The following CEP112 variants were observed in gnomAD, a reference collection of about 807,000 sequenced individuals.
CEP112 encodes centrosomal protein 112.
In CEP112, 127 loss-of-function variants were observed where a neutral mutation model predicts 153.0. The ratio of observed to expected loss-of-function variants is 0.83; its 90% confidence interval spans 0.72 to 0.96. The LOEUF is 0.96. Ranked by LOEUF, CEP112 falls within the 40% of genes least tolerant of loss-of-function variation. The pLI, the probability that CEP112 is intolerant of heterozygous loss-of-function variation, is 0.00. For missense variants in CEP112, 1,089 were observed against 1,101.2 expected, an observed-to-expected ratio of 0.99 and a Z score of 0.16; for synonymous variants, 358 against 374.4, an observed-to-expected ratio of 0.96 and a Z score of 0.51.
chr17:66,047,988 T>C (rs531208968), intron 12 of CEP112, among the ~76,000 whole-genome samples: 1 of 152,326 alleles, frequency 6.6e-6, no homozygotes, highest in South Asian at 2.1e-4. Context: ...CTGCTGTATA[T>C]TTTAAATCAT....
In CEP112 at chr17:66,192,106, G is replaced by C. The variant is rs956772118; in HGVS notation, c.-118C>G. 1.3e-5 allele frequency: 2 copies of C among 153,004 alleles called. No individual in the cohort carries two copies. Among genetic ancestry groups the C allele is most frequent in the Admixed American group, 6.5e-5 (1 of 15,282 alleles). The allele number at this position is 153,004 out of a possible 1,614,324, so 9.5% of individuals were successfully genotyped here. A position where few individuals can be genotyped will look rare whatever the true frequency, so the allele number is the denominator to read the frequency against. On this transcript the variant is annotated 5_prime_UTR_variant, in exon 1 of 27. Coordinates refer to ENST00000535342, the MANE Select transcript of CEP112 (RefSeq NM_001199165.4). ...CCTTGCGGGCCGCTGGGTCGCCGCC[G>C]CCCAGCAGCCCGGGGGCGGGGACTT...
intron 4 of CEP112, among the ~76,000 whole-genome samples, chr17:66,172,387 C>T (rs1426442070): frequency 1.3e-5 from 2 of 152,132 alleles, no homozygotes; most frequent in Non-Finnish European, 2.9e-5. Context: ...GCTTTTTTCA[C>T]GTTGCAATCT....
rs541351085 is a variant in CEP112 at position 65,971,627 on chromosome 17, T to C, written c.1737-10029A>G. 1.3e-3 allele frequency among the ~76,000 whole-genome samples: 194 copies of C among 151,960 alleles called. 2 individuals carry two copies. Among genetic ancestry groups the C allele is most frequent in the African/African-American group, 4.4e-3 (184 of 41,532 alleles). On this transcript the variant is annotated intron_variant, in intron 17 of 26. Coordinates refer to ENST00000535342, the MANE Select transcript of CEP112 (RefSeq NM_001199165.4). ...GTGTGCATATTATATGTATATCCCA[T>C]GCATATTGCGTTATATTGCATGCAT...
At chr17:65,888,127 C>G (rs994119495) in intron 20 of CEP112, among the ~76,000 whole-genome samples, 5 of 152,146 alleles carry the variant, frequency 3.3e-5, no homozygotes, top group Non-Finnish European at 7.3e-5. Context: ...TCAGAACTCC[C>G]ATTTCTTGAG....
chr17:66,184,985 G>C (rs1332334044), intron 1 of CEP112, among the ~76,000 whole-genome samples: 1 of 152,074 alleles, frequency 6.6e-6, no homozygotes, highest in Admixed American at 6.6e-5. Flanking sequence ...TTCTCAAAAG[G>C]CTGCATACTA....
chr17:65,892,254 A>G (rs2059494633), intron 20 of CEP112, among the ~76,000 whole-genome samples: 1 of 152,186 alleles, frequency 6.6e-6, no homozygotes, highest in Non-Finnish European at 1.5e-5. Context: ...AATGAAGTTG[A>G]AAAAAGTTAA....
chr17:65,803,548 G>C (rs1282082743), intron 21 of CEP112, among the ~76,000 whole-genome samples: 1 of 152,160 alleles, frequency 6.6e-6, no homozygotes, highest in Non-Finnish European at 1.5e-5. Context: ...CATACATCTA[G>C]CAAGGAAGTC....
chr17:65,702,737 T>C (rs948953577), intron 23 of CEP112, among the ~76,000 whole-genome samples: 3 of 152,144 alleles, frequency 2.0e-5, no homozygotes, highest in Non-Finnish European at 4.4e-5. Flanking sequence ...CAGTTCCACA[T>C]GGCTGGGGAG....
intron 23 of CEP112, among the ~76,000 whole-genome samples, chr17:65,709,433 G>T (rs1024591383): frequency 6.6e-6 from 1 of 152,130 alleles, no homozygotes; most frequent in African/African-American, 2.4e-5. Context: ...TTACATGGAG[G>T]CAGAAAAGAG....
Position 66,029,878 on chromosome 17 carries a change from A to G in CEP112, c.1364T>C (p.Val455Ala). 1 of 1,613,260 alleles carries G rather than the reference A, an allele frequency of 6.2e-7. No homozygotes were observed. Among genetic ancestry groups the G allele is most frequent in the African/African-American group, 1.3e-5 (1 of 75,036 alleles). Residue 455 changes from valine to alanine, a missense_variant, in exon 13 of 27, where the codon GTA becomes GCA. By Grantham distance (64) the Val-to-Ala change is moderately conservative. Coordinates refer to ENST00000535342, the MANE Select transcript of CEP112 (RefSeq NM_001199165.4). The stretch of plus-strand genomic sequence containing the variant: ...TGATTTCAGACAATACCTTGCCTTT[A>G]CTTCTTGTAATTCACTACACGTTAT... Reference protein sequence around the residue: ...YQITCSELQEVKARRNTLHKE... With the variant: ...YQITCSELQEAKARRNTLHKE...
chr17:66,133,928 A>T (rs949246322), intron 4 of CEP112, among the ~76,000 whole-genome samples: 6 of 152,178 alleles, frequency 3.9e-5, no homozygotes, highest in Admixed American at 2.6e-4. Context: ...TTTTAAAGAG[A>T]GCTGTTTTTT....
At chr17:66,139,566 C>T (rs1425778761) in intron 4 of CEP112, among the ~76,000 whole-genome samples, 1 of 152,060 alleles carries the variant, frequency 6.6e-6, no homozygotes, top group East Asian at 1.9e-4. Context: ...AGTGATTGCA[C>T]CACTGTGCTC....
intron 21 of CEP112, among the ~76,000 whole-genome samples, chr17:65,843,282 GC>G (rs2057595072): frequency 6.6e-6 from 1 of 152,050 alleles, no homozygotes; most frequent in Non-Finnish European, 1.5e-5. Flanking sequence ...CCAGGCTATA[GC>G]TTATATATCC....
chr17:66,142,073 C>T (rs1187524198), intron 4 of CEP112, among the ~76,000 whole-genome samples: 1 of 152,150 alleles, frequency 6.6e-6, no homozygotes, highest in African/African-American at 2.4e-5. Context: ...AATAGTCATT[C>T]TAACAGGTGT....
chr17:65,949,163 T>G (rs2061737612), intron 18 of CEP112, among the ~76,000 whole-genome samples: 1 of 152,198 alleles, frequency 6.6e-6, no homozygotes, highest in African/African-American at 2.4e-5. Flanking sequence ...ATGTTTGACA[T>G]ATATATTTTA....
chr17:65,650,557 G>C (rs1410103381), intron 24 of CEP112, among the ~76,000 whole-genome samples: 2 of 151,876 alleles, frequency 1.3e-5, no homozygotes, highest in Admixed American at 1.3e-4. Context: ...CACCACTTGG[G>C]TTCTGCTCTG....
intron 16 of CEP112, among the ~76,000 whole-genome samples, chr17:66,017,682 A>G (rs1389820859): frequency 1.3e-5 from 2 of 152,172 alleles, no homozygotes; most frequent in Non-Finnish European, 1.5e-5. Context: ...AGAACAGATC[A>G]ATACTTTTGG....
At chr17:66,145,694 C>T (rs1698886549) in intron 4 of CEP112, among the ~76,000 whole-genome samples, 1 of 152,124 alleles carries the variant, frequency 6.6e-6, no homozygotes, top group Non-Finnish European at 1.5e-5. Context: ...TCTATCCTTT[C>T]ACCAATACTA....
At chr17:65,891,033 A>G (rs1478996463) in intron 20 of CEP112, among the ~76,000 whole-genome samples, 1 of 152,070 alleles carries the variant, frequency 6.6e-6, no homozygotes, top group Non-Finnish European at 1.5e-5. Context: ...TTCCCCATAG[A>G]CTGTAAGCTT....
Sources: allele counts gnomAD v4.1 joint callset (sites outside exome capture counted in the v4.1 genomes callset), GRCh38; gene constraint gnomAD v4.1.1; transcripts MANE v1.5; gene names NCBI Gene and HGNC (gene_info 2026-07-23, HGNC 2026-07-21).